HAPLN1: variants seen among roughly 807,000 people sequenced by gnomAD.
HAPLN1 encodes the protein Cartilage link protein.
A neutral mutation model predicts 36.5 loss-of-function variants in HAPLN1; 13 were observed. The observed-to-expected ratio is 0.36, with a 90% CI of 0.23 to 0.57. The LOEUF (loss-of-function observed/expected upper bound fraction) is 0.57, where lower values mean the gene tolerates loss of function less well. HAPLN1 is among the 20% of genes least tolerant of loss of function. HAPLN1 has a pLI of 0.83. For synonymous variants in HAPLN1, 202 were observed against 169.8 expected (o/e 1.19, Z -1.48); for missense variants, 407 against 439.7 (o/e 0.93, Z 0.66).
intron 1 of HAPLN1, among the ~76,000 whole-genome samples, chr5:83,695,635 AAT>A (rs1294704741): frequency 6.9e-6 from 1 of 145,446 alleles, no homozygotes; most frequent in Non-Finnish European, 1.5e-5. Context: ...TATATAGATA[AAT>A]ATATTTATAT....
At chr5:83,673,756 A>G (rs1750791025) in intron 1 of HAPLN1, 1 of 467,694 alleles carries the variant, frequency 2.1e-6, no homozygotes, top group South Asian at 2.9e-5. Flanking sequence ...GCCAGAGTCC[A>G]AATAGTGTTT....
chr5:83,653,243 T>C (rs1750126149), intron 2 of HAPLN1, among the ~76,000 whole-genome samples: 1 of 152,212 alleles, frequency 6.6e-6, no homozygotes, highest in Non-Finnish European at 1.5e-5. Flanking sequence ...CAAGGTAAGG[T>C]AAACCCAGCT....
rs181385662 is a variant in HAPLN1, at chr5:83,716,031, C to T, written c.-27+4758G>A. Among the ~76,000 whole-genome samples the T allele has an allele frequency of 2.4e-4, 37 of 152,220 alleles. No homozygotes were observed. In the East Asian group the frequency reaches 6.0e-3, roughly 25 times the overall value. ...CCTGGTAAATAGCCAGTGCTCAATA[C>T]ATTTTTGTTGAATAAACAAATGAAT... On this transcript the variant is annotated intron_variant, in intron 1 of 4. Coordinates refer to ENST00000274341, the MANE Select transcript of HAPLN1 (RefSeq NM_001884.4).
intron 1 of HAPLN1, among the ~76,000 whole-genome samples, chr5:83,684,895 C>T (rs1371525242): frequency 9.2e-5 from 14 of 152,112 alleles, no homozygotes; most frequent in Non-Finnish European, 2.1e-4. Flanking sequence ...CTCAATCTGA[C>T]ATGCATACTC....
intron 1 of HAPLN1, among the ~76,000 whole-genome samples, chr5:83,688,343 C>T (rs1751184035): frequency 6.6e-6 from 1 of 152,156 alleles, no homozygotes. Context: ...CCAGGCTCCA[C>T]ATATCCCGAT....
chr5:83,677,661 A>G (rs1030930427), intron 1 of HAPLN1, among the ~76,000 whole-genome samples: 4 of 152,222 alleles, frequency 2.6e-5, no homozygotes, highest in Admixed American at 2.6e-4. Context: ...TCTCACAACC[A>G]GTACAACAGG....
chr5:83,679,313 C>T lies in HAPLN1; in HGVS notation c.-26-5764G>A, dbSNP rs571217662. Among the ~76,000 whole-genome samples the T allele has an allele frequency of 9.2e-5, 14 of 152,148 alleles. No individual in the cohort carries two copies. In the East Asian group the frequency reaches 1.9e-3, roughly 21 times the overall value. On this transcript the variant is annotated intron_variant, in intron 1 of 4. Coordinates refer to ENST00000274341, the MANE Select transcript of HAPLN1 (RefSeq NM_001884.4). Reference sequence around the variant, plus strand: ...ATCTCAATCATGAATTTGTACCATGCGTATAAAACATGGGAGGCTGAACTT... The same window carrying T: ...ATCTCAATCATGAATTTGTACCATGTGTATAAAACATGGGAGGCTGAACTT...
chr5:83,685,550 C>T (rs566268506), intron 1 of HAPLN1, among the ~76,000 whole-genome samples: 1 of 152,242 alleles, frequency 6.6e-6, no homozygotes, highest in South Asian at 2.1e-4. Context: ...ATTAATGAAG[C>T]ATCTAAAACA....
At chr5:83,666,339 T>C (rs1221796686) in intron 2 of HAPLN1, among the ~76,000 whole-genome samples, 1 of 152,176 alleles carries the variant, frequency 6.6e-6, no homozygotes, top group African/African-American at 2.4e-5. Context: ...CTTGTAGAGC[T>C]GCAACCAAAA....
intron 2 of HAPLN1, among the ~76,000 whole-genome samples, chr5:83,670,927 T>C (rs1750697860): frequency 6.6e-6 from 1 of 152,150 alleles, no homozygotes; most frequent in African/African-American, 2.4e-5. Flanking sequence ...ACCCCTGACC[T>C]CGTGATCCAC....
intron 1 of HAPLN1, among the ~76,000 whole-genome samples, chr5:83,716,191 T>C (rs1751909236): frequency 6.6e-6 from 1 of 152,212 alleles, no homozygotes; most frequent in Non-Finnish European, 1.5e-5. Context: ...TAGGGAAATC[T>C]AGACTTACCA....
chr5:83,676,195 TACAGAGATACGCACACATAC>T (rs1379526718), intron 1 of HAPLN1, among the ~76,000 whole-genome samples: 48 of 101,800 alleles, frequency 4.7e-4, no homozygotes, highest in Non-Finnish European at 9.0e-4. Context: ...CGCACACATA[TACAGAGATACGCACACATAC>T]ACAGAGATAC....
rs1159100803 is a variant in HAPLN1 at position 83,712,895 on chromosome 5, A to AAG, written c.-27+7893_-27+7894insCT. Among the ~76,000 whole-genome samples the AAG allele has an allele frequency of 2.6e-5, 4 of 152,040 alleles. No homozygotes were observed. In the East Asian group the frequency reaches 7.7e-4, roughly 29 times the overall value. On this transcript the variant is annotated intron_variant, in intron 1 of 4. Coordinates refer to ENST00000274341, the MANE Select transcript of HAPLN1 (RefSeq NM_001884.4). The stretch of plus-strand genomic sequence containing the variant: ...GAGGAGAACCTGGACAAAAAAAAAA[A>AAG]AAGGAAGTTGCTGAGAAGTCCAGAG...
chr5:83,714,623 C>T (rs1470357211), intron 1 of HAPLN1, among the ~76,000 whole-genome samples: 1 of 152,096 alleles, frequency 6.6e-6, no homozygotes, highest in African/African-American at 2.4e-5. Context: ...TTGGCTTTGA[C>T]CCGTATTTTC....
chr5:83,641,855 A>G (rs1480328562), intron 4 of HAPLN1, 70 bp from the exon 5 acceptor site: 2 of 1,476,564 alleles, frequency 1.4e-6, no homozygotes, highest in Admixed American at 2.0e-5. Flanking sequence ...GAAAGAGCCA[A>G]AAACGGAAGT....
At chr5:83,705,611 C>T (rs140363594) in intron 1 of HAPLN1, among the ~76,000 whole-genome samples, 124 of 152,146 alleles carry the variant, frequency 8.2e-4, no homozygotes, top group Non-Finnish European at 1.0e-3. Flanking sequence ...TAATTTCTCA[C>T]ATCAAAAAGT....
rs780004141 is a variant in HAPLN1 at position 83,710,215 on chromosome 5, G to C, written c.-27+10574C>G. 2.0e-5 allele frequency among the ~76,000 whole-genome samples: 3 copies of C among 152,108 alleles called. No homozygotes were observed. The South Asian group carries it at 6.2e-4, about 31-fold the overall frequency. The stretch of plus-strand genomic sequence containing the variant: ...GTGCACAGGGAGAATATGTAGGGTG[G>C]GGACAAGCATCTTGGGCAGAAGCCA... On this transcript the variant is annotated intron_variant, in intron 1 of 4. Coordinates refer to ENST00000274341, the MANE Select transcript of HAPLN1 (RefSeq NM_001884.4).
intron 1 of HAPLN1, among the ~76,000 whole-genome samples, chr5:83,712,828 A>G (rs577889304): frequency 1.4e-5 from 2 of 145,840 alleles, no homozygotes; most frequent in African/African-American, 5.0e-5. Flanking sequence ...GAATGATTGA[A>G]TTTTTTTTTT....
chr5:83,644,611 T>G lies in HAPLN1; in HGVS notation c.527A>C (p.Glu176Ala). The G allele has an allele frequency of 6.6e-7, 1 of 1,513,502 alleles. No individual in the cohort carries two copies. Among genetic ancestry groups the G allele is most frequent in the Non-Finnish European group, 8.9e-7 (1 of 1,128,122 alleles). 93.8% of individuals were successfully genotyped at this position (1,513,502 alleles called of 1,614,324 possible). ...CTGGTCCAGACACGCCTGCTGCGCC[T>G]CGTGAAAATTGAGATTGTAGCGCCC... The part of the protein sequence containing the change: ...RLGRYNLNFH[E>A]AQQACLDQDA... The change falls in exon 4 of 5, where the codon GAG becomes GCG. Residue 176 changes from glutamate (E) to alanine (A), a missense_variant. Coordinates refer to ENST00000274341, the MANE Select transcript of HAPLN1 (RefSeq NM_001884.4).
Sources: allele counts gnomAD v4.1 joint callset (sites outside exome capture counted in the v4.1 genomes callset), GRCh38; gene constraint gnomAD v4.1.1; transcripts MANE v1.5; gene names NCBI Gene and HGNC (gene_info 2026-07-23, HGNC 2026-07-21).